The following ZNF385D variants were observed in gnomAD, a reference collection of about 807,000 sequenced individuals.
ZNF385D encodes zinc finger protein 385D.
In ZNF385D, 15 loss-of-function variants were observed where a neutral mutation model predicts 35.8. The observed-to-expected ratio is 0.42, with a 90% CI of 0.28 to 0.64. The LOEUF (loss-of-function observed/expected upper bound fraction) is 0.64, where lower values mean the gene tolerates loss of function less well. Ranked by LOEUF, ZNF385D falls within the 30% of genes least tolerant of loss-of-function variation. The probability of loss-of-function intolerance (pLI) is 0.23; values close to 1 mark genes in which losing one functional copy is unlikely to be tolerated. For synonymous variants in ZNF385D, 212 were observed against 186.8 expected (o/e 1.13, Z -1.10); for missense variants, 474 against 494.6 (o/e 0.96, Z 0.39).
At chr3:21,452,492 T>C (rs1298177320) in intron 4 of ZNF385D, among the ~76,000 whole-genome samples, 1 of 152,090 alleles carries the variant, frequency 6.6e-6, no homozygotes, top group East Asian at 1.9e-4. Context: ...CTACCTCTAT[T>C]CATAGATGAC....
chr3:22,312,322 T>C (rs1000590222), intron 2 of ZNF385D, among the ~76,000 whole-genome samples: 4 of 152,078 alleles, frequency 2.6e-5, no homozygotes, highest in African/African-American at 9.7e-5. Flanking sequence ...AATCACACCA[T>C]TAGAGCATGA....
intron 2 of ZNF385D, among the ~76,000 whole-genome samples, chr3:22,284,457 T>C (rs756563967): frequency 2.0e-5 from 3 of 152,092 alleles, no homozygotes; most frequent in Non-Finnish European, 4.4e-5. Flanking sequence ...CCCAAAGTGC[T>C]GGGATTACAG....
intron 2 of ZNF385D, among the ~76,000 whole-genome samples, chr3:21,632,693 C>G (rs2065316729): frequency 6.6e-6 from 1 of 152,104 alleles, no homozygotes; most frequent in Non-Finnish European, 1.5e-5. Flanking sequence ...TCAGATTCAG[C>G]TGACACGAAC....
chr3:21,568,206 TA>T (rs1188252245), intron 2 of ZNF385D, among the ~76,000 whole-genome samples: 1 of 152,134 alleles, frequency 6.6e-6, no homozygotes, highest in Non-Finnish European at 1.5e-5. Flanking sequence ...TTCACACGTA[TA>T]TATCTACAAC....
intron 3 of ZNF385D, among the ~76,000 whole-genome samples, chr3:21,921,448 A>T (rs544097023): frequency 6.6e-6 from 1 of 152,280 alleles, no homozygotes; most frequent in East Asian, 1.9e-4. Flanking sequence ...GATATGTCAC[A>T]TTACTTAAAG....
At chr3:21,677,879 G>A (rs13092691) in intron 1 of ZNF385D, among the ~76,000 whole-genome samples, 2,115 of 151,932 alleles carry the variant, frequency 0.014, 21 homozygotes, top group Middle Eastern at 0.037. Context: ...CAACCTATGC[G>A]TACATAGGTT....
intron 3 of ZNF385D, among the ~76,000 whole-genome samples, chr3:21,863,874 A>G (rs1264130563): frequency 1.3e-5 from 2 of 152,152 alleles, no homozygotes; most frequent in African/African-American, 4.8e-5. Context: ...ATATGAACAT[A>G]ATGAGTTTTT....
chr3:21,619,652 T>C (rs561097807), intron 2 of ZNF385D, among the ~76,000 whole-genome samples: 10 of 152,282 alleles, frequency 6.6e-5, no homozygotes, highest in African/African-American at 1.7e-4. Context: ...TCTTTGTCCA[T>C]CTGGGGAATG....
At chr3:22,068,666 C>T (rs185264130) in intron 3 of ZNF385D, among the ~76,000 whole-genome samples, 1 of 152,338 alleles carries the variant, frequency 6.6e-6, no homozygotes, top group East Asian at 1.9e-4. Context: ...CACATTTCCT[C>T]TCACATATGT....
intron 4 of ZNF385D, among the ~76,000 whole-genome samples, chr3:21,510,656 T>A (rs946780970): frequency 6.6e-6 from 1 of 152,128 alleles, no homozygotes; most frequent in African/African-American, 2.4e-5. Flanking sequence ...TCTTGCAAAA[T>A]GCAAAATCTG....
chr3:22,354,906 C>T (rs566503344), intron 2 of ZNF385D, among the ~76,000 whole-genome samples: 7 of 152,110 alleles, frequency 4.6e-5, no homozygotes, highest in South Asian at 2.1e-4. Context: ...TCAATAGCCA[C>T]GTGTCACTCA....
intron 1 of ZNF385D, among the ~76,000 whole-genome samples, chr3:21,671,616 GATACAA>G (rs2066578258): frequency 6.6e-6 from 1 of 152,026 alleles, no homozygotes; most frequent in East Asian, 1.9e-4. Flanking sequence ...TTAATGCACT[GATACAA>G]ATAGCTTTTG....
chr3:21,872,278 T>C (rs1246294309), intron 3 of ZNF385D, among the ~76,000 whole-genome samples: 1 of 152,136 alleles, frequency 6.6e-6, no homozygotes, highest in Non-Finnish European at 1.5e-5. Flanking sequence ...TTGTTTCCAT[T>C]TGAGCATGTT....
At chr3:21,945,924 C>T (rs1183766244) in intron 3 of ZNF385D, among the ~76,000 whole-genome samples, 2 of 152,130 alleles carry the variant, frequency 1.3e-5, no homozygotes, top group African/African-American at 4.8e-5. Context: ...TTATGCTTCT[C>T]AATTTCAGAG....
intron 2 of ZNF385D, among the ~76,000 whole-genome samples, chr3:21,654,717 A>G (rs1333900631): frequency 6.6e-6 from 1 of 152,094 alleles, no homozygotes; most frequent in Admixed American, 6.6e-5. Context: ...AAATATAGCC[A>G]TAATTCTTGA....
chr3:21,430,820 A>C (rs1701261125), intron 5 of ZNF385D, among the ~76,000 whole-genome samples: 1 of 152,182 alleles, frequency 6.6e-6, no homozygotes, highest in Non-Finnish European at 1.5e-5. Context: ...AAAGGTCTTA[A>C]ACTTATTAAC....
intron 2 of ZNF385D, among the ~76,000 whole-genome samples, chr3:22,318,122 G>C (rs983636964): frequency 2.0e-5 from 3 of 152,050 alleles, no homozygotes; most frequent in Non-Finnish European, 4.4e-5. Flanking sequence ...ATGTGTTTTG[G>C]CTGTTAATAT....
chr3:22,308,360 C>A (rs1703349854), intron 2 of ZNF385D, among the ~76,000 whole-genome samples: 1 of 151,912 alleles, frequency 6.6e-6, no homozygotes, highest in African/African-American at 2.4e-5. Flanking sequence ...CCCAATTTAC[C>A]TTTCCAGCTT....
intron 3 of ZNF385D, among the ~76,000 whole-genome samples, chr3:21,916,918 C>T (rs1017601287): frequency 2.6e-5 from 4 of 152,166 alleles, no homozygotes; most frequent in African/African-American, 9.7e-5. Flanking sequence ...TTTCCAATCC[C>T]ATTCTGTATG....
Sources: allele counts gnomAD v4.1 joint callset (sites outside exome capture counted in the v4.1 genomes callset), GRCh38; gene constraint gnomAD v4.1.1; transcripts MANE v1.5; gene names NCBI Gene and HGNC (gene_info 2026-07-23, HGNC 2026-07-21).